The following FAM120B variants were observed in gnomAD, a reference collection of about 807,000 sequenced individuals.
FAM120B encodes constitutive coactivator of peroxisome proliferator-activated receptor gamma.
Under a neutral mutation model 96.3 loss-of-function variants are expected in FAM120B, and 83 were observed. That is an observed-to-expected ratio of 0.86 (90% confidence interval 0.72 to 1.03). FAM120B has a LOEUF of 1.03. FAM120B is among the 50% of genes least tolerant of loss of function. The pLI is 0.00. For missense variants in FAM120B, 1,027 were observed against 1,121.2 expected (o/e 0.92, Z 1.20); for synonymous variants, 407 against 402.7 (o/e 1.01, Z -0.13).
intron 3 of FAM120B, among the ~76,000 whole-genome samples, chr6:170,329,660 T>C (rs1426117594): frequency 6.6e-6 from 1 of 152,170 alleles, no homozygotes; most frequent in East Asian, 1.9e-4. Context: ...ATCTCTGTTG[T>C]CTCAGTTCTC....
intron 6 of FAM120B, among the ~76,000 whole-genome samples, chr6:170,374,734 G>T (rs1275593148): frequency 1.3e-5 from 2 of 152,170 alleles, no homozygotes; most frequent in Non-Finnish European, 2.9e-5. Flanking sequence ...GGGCATTGTT[G>T]GTCGGGTGTC....
At chr6:170,339,701 C>T (rs369028591) in intron 4 of FAM120B, among the ~76,000 whole-genome samples, 15 of 151,298 alleles carry the variant, frequency 9.9e-5, no homozygotes, top group African/African-American at 2.9e-4. Flanking sequence ...ATCACTTGAG[C>T]CTGGGAGGCA....
At chr6:170,389,038 A>G (rs373510889) in intron 7 of FAM120B, among the ~76,000 whole-genome samples, 28 of 152,320 alleles carry the variant, frequency 1.8e-4, no homozygotes, top group Middle Eastern at 3.4e-3. Context: ...GGAGGTGATC[A>G]TCCTCACATT....
chr6:170,370,785 A>G lies in FAM120B; in HGVS notation c.2283+12467A>G, dbSNP rs764703753. Among the ~76,000 whole-genome samples the G allele has an allele frequency of 6.6e-6, 1 of 152,164 alleles. No homozygotes were observed. The highest frequency in any genetic ancestry group is 1.5e-5 in the Non-Finnish European group (1 of 68,028). ...ACTTGGTTTCTTCCTGTAGCTTTAC[A>G]TGTATAAATACAATTATTCCTATTC... On this transcript the variant is annotated intron_variant, in intron 6 of 10. Coordinates refer to ENST00000476287, the MANE Select transcript of FAM120B (RefSeq NM_032448.3). This position sits in a 1 kb window ranked among gnomAD's most constrained non-coding sequence, Gnocchi z 4.3.
chr6:170,387,447 T>C (rs957107873), intron 6 of FAM120B, among the ~76,000 whole-genome samples: 2 of 152,244 alleles, frequency 1.3e-5, no homozygotes, highest in Non-Finnish European at 2.9e-5. Flanking sequence ...ACTTACCTCA[T>C]TTACGGACTC....
At chr6:170,339,917 T>G (rs1786703708) in intron 4 of FAM120B, among the ~76,000 whole-genome samples, 1 of 152,214 alleles carries the variant, frequency 6.6e-6, no homozygotes, top group Non-Finnish European at 1.5e-5. Context: ...TGGCTGCCCT[T>G]AACATTTTTT....
intron 4 of FAM120B, among the ~76,000 whole-genome samples, chr6:170,342,773 TG>T (rs1208176796): frequency 6.6e-6 from 1 of 152,264 alleles, no homozygotes; most frequent in African/African-American, 2.4e-5. Flanking sequence ...GAAGTGATGC[TG>T]GTGGGTGACC....
intron 1 of FAM120B, among the ~76,000 whole-genome samples, chr6:170,311,941 A>G (rs1784622537): frequency 2.0e-5 from 3 of 152,228 alleles, no homozygotes; most frequent in Non-Finnish European, 4.4e-5. Context: ...CAGAGGTCTA[A>G]GACTTATATA....
chr6:170,361,171 T>C (rs1435609474), intron 6 of FAM120B, among the ~76,000 whole-genome samples: 2 of 136,982 alleles, frequency 1.5e-5, no homozygotes, highest in Middle Eastern at 3.7e-3. Flanking sequence ...TACTCAAATA[T>C]AGCCTTAAAA....
chr6:170,355,425 A>T (rs1787844258), intron 5 of FAM120B, among the ~76,000 whole-genome samples: 1 of 152,200 alleles, frequency 6.6e-6, no homozygotes, highest in African/African-American at 2.4e-5. Flanking sequence ...AGGGACATGG[A>T]TGGAGTTGGA....
intron 6 of FAM120B, among the ~76,000 whole-genome samples, chr6:170,360,853 G>T (rs1233681786): frequency 6.6e-6 from 1 of 152,068 alleles, no homozygotes; most frequent in African/African-American, 2.4e-5. Context: ...AGGTAGGGCA[G>T]AGTCACCACT....
At position 170,323,179 on chromosome 6, in the gene FAM120B, A is replaced by G. The variant is rs1785405447; in HGVS notation, c.1835A>G (p.Asp612Gly). 1 of 1,614,138 alleles carries G rather than the reference A, an allele frequency of 6.2e-7. No individual in the cohort carries two copies. Among genetic ancestry groups the G allele is most frequent in the African/African-American group, 1.3e-5 (1 of 75,042 alleles). Residue 612 changes from aspartate to glycine, a missense_variant, in exon 3 of 11, where the codon GAC (aspartate) becomes GGC (glycine). Physicochemically the swap from Asp to Gly is moderately conservative, Grantham distance 94. Transcript: ENST00000476287. ...ECSNTLEDEL[D>G]QALPSQAFIY... ...AGCAACACCCTAGAAGATGAGCTTGACCAGGCCTTACCCAGCCAGGCCTTC... is the reference window on the plus strand; with the variant it reads ...AGCAACACCCTAGAAGATGAGCTTGGCCAGGCCTTACCCAGCCAGGCCTTC...
In FAM120B at chr6:170,295,435, T is replaced by C. The variant is rs1328022942; in HGVS notation, c.30T>C (p.Ala10=). ...TTGGACCTCGAGGCTCCACCAGCGC[T>C]GGCGCAGGCAGGAAGGAGGTGAGCG... The change falls in exon 1 of 11, where the codon GCT becomes GCC. Residue 10 remains alanine, a synonymous_variant. Coordinates refer to the FAM120B transcript ENST00000537664. The surrounding 1 kb of genome is among the most constrained non-coding windows in gnomAD (Gnocchi z 7.8). 1.4e-6 allele frequency: 1 copy of C among 701,762 alleles called. No individual in the cohort carries two copies. Among genetic ancestry groups the C allele is most frequent in the South Asian group, 1.5e-5 (1 of 67,466 alleles). 43.5% of individuals were successfully genotyped at this position (701,762 alleles called of 1,614,324 possible).
intron 6 of FAM120B, among the ~76,000 whole-genome samples, chr6:170,383,734 T>C (rs918906839): frequency 2.0e-5 from 3 of 152,210 alleles, no homozygotes; most frequent in African/African-American, 7.2e-5. Context: ...TTTGGCCGTT[T>C]CTTAAAAAAC....
At chr6:170,390,990 A>T (rs914698856) in intron 7 of FAM120B, 23 bp from the exon 8 acceptor site, 2 of 1,606,306 alleles carry the variant, frequency 1.2e-6, no homozygotes, top group African/African-American at 2.7e-5. Flanking sequence ...CTCACATCTC[A>T]TTTGCATCTG....
intron 6 of FAM120B, among the ~76,000 whole-genome samples, chr6:170,380,738 T>C (rs887574768): frequency 4.6e-5 from 7 of 152,256 alleles, no homozygotes; most frequent in African/African-American, 1.7e-4. Context: ...TTACATATTT[T>C]GGATGTTAGC....
chr6:170,296,822 C>T (rs1784023609), intron 1 of FAM120B, among the ~76,000 whole-genome samples: 1 of 152,242 alleles, frequency 6.6e-6, no homozygotes, highest in Middle Eastern at 3.4e-3. Context: ...TCCGCCTCCG[C>T]GCGGCGGCTC....
chr6:170,401,593 C>T (rs766187158), intron 9 of FAM120B, among the ~76,000 whole-genome samples: 2 of 152,158 alleles, frequency 1.3e-5, no homozygotes, highest in Non-Finnish European at 2.9e-5. Flanking sequence ...TCCAGGAGTG[C>T]TTATTTCTTA....
chr6:170,380,692 GTTAT>G lies in FAM120B; in HGVS notation c.2284-7592_2284-7589del, dbSNP rs1453498725. 3.9e-5 allele frequency among the ~76,000 whole-genome samples: 6 copies of G among 152,240 alleles called. No individual in the cohort carries two copies. In the East Asian group the frequency reaches 5.8e-4, roughly 15 times the overall value. On this transcript the variant is annotated intron_variant, in intron 6 of 10. Coordinates refer to ENST00000476287, the MANE Select transcript of FAM120B (RefSeq NM_032448.3). The stretch of plus-strand genomic sequence containing the variant: ...TGTCCTTTGCCCATGTTTTAATTGG[GTTAT>G]TTGTTTTTTGCTGTCGAGTTGTGTG...
Sources: allele counts gnomAD v4.1 joint callset (sites outside exome capture counted in the v4.1 genomes callset), GRCh38; gene constraint gnomAD v4.1.1; non-coding constraint Gnocchi (gnomAD v3.1); transcripts MANE v1.5; gene names NCBI Gene and HGNC (gene_info 2026-07-23, HGNC 2026-07-21).